Variants in MTRR observed in about 807,000 individuals in gnomAD.
MTRR encodes the protein 5-methyltetrahydrofolate-homocysteine methyltransferase reductase, also known as methionine synthase reductase.
Under a neutral mutation model 79.2 loss-of-function variants are expected in MTRR, and 63 were observed. The observed-to-expected ratio is 0.80, with a 90% CI of 0.65 to 0.98. The LOEUF (loss-of-function observed/expected upper bound fraction) is 0.98. Among genes scored for constraint, MTRR ranks in the 50% least tolerant of loss-of-function variants. The pLI, the probability that MTRR is intolerant of heterozygous loss-of-function variation, is 0.00. For missense variants in MTRR, 895 were observed against 839.6 expected (o/e 1.07, Z -0.82); for synonymous variants, 355 against 313.3 (o/e 1.13, Z -1.41).
chr5:7,863,186 A>C, intron 2 of MTRR: 1 of 582,452 alleles, frequency 1.7e-6, no homozygotes. Context: ...TGCAAGTCTA[A>C]TAGTTCAAAA....
At chr5:7,882,933 T>G (rs1735801716) in intron 5 of MTRR, among the ~76,000 whole-genome samples, 2 of 152,238 alleles carry the variant, frequency 1.3e-5, no homozygotes, top group South Asian at 4.1e-4. Context: ...TCTATTTGTA[T>G]TTCAGAAATT....
At chr5:7,880,749 C>A (rs1388263394) in intron 5 of MTRR, among the ~76,000 whole-genome samples, 1 of 152,100 alleles carries the variant, frequency 6.6e-6, no homozygotes, top group Non-Finnish European at 1.5e-5. Flanking sequence ...TCGGTGTTGC[C>A]CTGTGCCAGC....
upstream of MTRR, among the ~76,000 whole-genome samples, chr5:7,866,313 C>CAA (rs35385669): frequency 1.3e-3 from 189 of 140,420 alleles, no homozygotes; most frequent in East Asian, 2.6e-3. Context: ...ACCATCCTCT[C>CAA]AAAAAAAAAA....
At position 7,873,355 on chromosome 5, in the gene MTRR, G is replaced by A. The variant is rs1229865329; in HGVS notation, c.130-18G>A. 2.5e-6 allele frequency: 4 copies of A among 1,613,998 alleles called. No individual in the cohort carries two copies. The African/African-American group carries it at 4.0e-5, about 16-fold the overall frequency. ...GCATGTAGTGTTAGGTCCCTGACTT[G>A]ATATCCTTGTTTTGTAGTATGACCT... is the stretch of plus-strand genomic sequence containing the variant. On this transcript the variant is annotated intron_variant, in intron 2 of 14. Coordinates refer to ENST00000440940, the MANE Select transcript of MTRR (RefSeq NM_002454.3).
At chr5:7,855,906 G>A (rs1746232942) in intron 1 of MTRR, among the ~76,000 whole-genome samples, 1 of 152,102 alleles carries the variant, frequency 6.6e-6, no homozygotes, top group African/African-American at 2.4e-5. Context: ...CCCAACAGGG[G>A]GAGAACATCA....
At chr5:7,854,212 A>G (rs1400178311) in intron 1 of MTRR, among the ~76,000 whole-genome samples, 7 of 152,108 alleles carry the variant, frequency 4.6e-5, no homozygotes, top group Non-Finnish European at 8.8e-5. Flanking sequence ...AGGATGAAAG[A>G]AGCATAAAAA....
chr5:7,898,405 A>T (rs1030114680), intron 14 of MTRR, among the ~76,000 whole-genome samples: 4 of 136,330 alleles, frequency 2.9e-5, no homozygotes, highest in Admixed American at 1.5e-4. Flanking sequence ...TTATTCCAGA[A>T]ATAGCTCCTC....
intron 1 of MTRR, chr5:7,861,272 TA>T: frequency 2.1e-6 from 3 of 1,436,252 alleles, no homozygotes; most frequent in East Asian, 2.3e-5. Flanking sequence ...TCCTGAAAAA[TA>T]AAAAAGGAGA....
intron 9 of MTRR, among the ~76,000 whole-genome samples, chr5:7,890,959 T>G (rs1431886364): frequency 6.6e-6 from 1 of 151,888 alleles, no homozygotes; most frequent in Non-Finnish European, 1.5e-5. Context: ...CTTTTTGGGA[T>G]CATGACTTTA....
intron 12 of MTRR, 117 bp downstream of exon 12, chr5:7,895,969 A>C (rs1321104829): frequency 2.4e-6 from 3 of 1,272,826 alleles, no homozygotes; most frequent in Admixed American, 2.1e-5. Context: ...ATTATTATTC[A>C]ATGTGCGATA....
intron 1 of MTRR, chr5:7,861,635 C>G (rs370873379): frequency 9.9e-6 from 16 of 1,608,372 alleles, no homozygotes; most frequent in Non-Finnish European, 1.4e-5. Flanking sequence ...CCTTCTTCAT[C>G]TAATTTAATT....
At chr5:7,870,024 T>C in intron 1 of MTRR, 1 of 985,398 alleles carries the variant, frequency 1.0e-6, no homozygotes, top group Non-Finnish European at 1.2e-6. Flanking sequence ...AGCCCACCAA[T>C]TTTAGCCGTT....
chr5:7,873,157 C>T (rs371183045), intron 2 of MTRR, among the ~76,000 whole-genome samples: 2 of 152,270 alleles, frequency 1.3e-5, no homozygotes, highest in South Asian at 2.1e-4. Context: ...TGATGAGCAT[C>T]AACAAAACAG....
chr5:7,875,880 G>GA (rs1734474391), intron 4 of MTRR, among the ~76,000 whole-genome samples: 1 of 152,236 alleles, frequency 6.6e-6, no homozygotes, highest in South Asian at 2.1e-4. Context: ...GACGTTTACA[G>GA]ACGCATACTT....
intron 4 of MTRR, among the ~76,000 whole-genome samples, chr5:7,876,286 C>T (rs1734548921): frequency 6.6e-6 from 1 of 152,190 alleles, no homozygotes; most frequent in Non-Finnish European, 1.5e-5. Flanking sequence ...AGCTTTGTGA[C>T]ATTTCCTTGG....
chr5:7,871,089 A>G (rs947039665), intron 2 of MTRR, among the ~76,000 whole-genome samples, 166 bp downstream of exon 2: 2 of 152,224 alleles, frequency 1.3e-5, no homozygotes, highest in African/African-American at 4.8e-5. Context: ...CATTTTTTTA[A>G]TATAGAAGTG....
chr5:7,869,643 C>G (rs1747535063), intron 1 of MTRR: 1 of 230,258 alleles, frequency 4.3e-6, no homozygotes, highest in African/African-American at 2.4e-5. Flanking sequence ...TGCCCGCGGC[C>G]GTGAGCTCTG....
upstream of MTRR, chr5:7,867,874 T>C: frequency 6.2e-7 from 1 of 1,614,184 alleles, no homozygotes. Context: ...GAAGGTCATT[T>C]CCATTTTTCG....
intron 1 of MTRR, among the ~76,000 whole-genome samples, chr5:7,860,390 C>G (rs1396196542): frequency 6.6e-6 from 1 of 152,054 alleles, no homozygotes; most frequent in Non-Finnish European, 1.5e-5. Context: ...TGGTGAAGCT[C>G]CTTATTTTAA....
Sources: gnomAD v4.1 joint callset for allele counts (sites outside exome capture counted in the v4.1 genomes callset) on GRCh38, gnomAD v4.1.1 for gene constraint, MANE v1.5 for transcripts, NCBI Gene and HGNC (gene_info 2026-07-23, HGNC 2026-07-21) for gene names.